GPI: variants seen among roughly 807,000 people sequenced by gnomAD.
GPI encodes the protein glucose-6-phosphate isomerase.
In GPI, 56 loss-of-function variants were observed where a neutral mutation model predicts 75.8. The ratio of observed to expected loss-of-function variants is 0.74; its 90% CI spans 0.60 to 0.92. The LOEUF (loss-of-function observed/expected upper bound fraction) is 0.92. GPI is among the 40% of genes least tolerant of loss of function. The pLI, the probability that GPI is intolerant of heterozygous loss-of-function variation, is 0.00. For synonymous variants in GPI, 288 were observed against 285.4 expected (o/e 1.01, Z -0.09); for missense variants, 638 against 741.0 (o/e 0.86, Z 1.61).
chr19:34,390,513 A>G (rs991446347), intron 9 of GPI, among the ~76,000 whole-genome samples: 15 of 151,206 alleles, frequency 9.9e-5, no homozygotes, highest in Admixed American at 9.2e-4. Context: ...AAGTACAGGT[A>G]TGACATCTGG....
upstream of GPI, chr19:34,359,772 A>C (rs2074291731): frequency 6.5e-6 from 1 of 152,760 alleles, no homozygotes; most frequent in Non-Finnish European, 1.5e-5. Context: ...CCTGTGCTCC[A>C]GGGCCTGCCT....
chr19:34,373,008 A>C (rs1219715718), intron 4 of GPI, among the ~76,000 whole-genome samples: 2 of 151,736 alleles, frequency 1.3e-5, no homozygotes, highest in Non-Finnish European at 2.9e-5. Flanking sequence ...TCCTGACTTC[A>C]TAATCTGTCC....
At chr19:34,373,085 T>A (rs1277394134) in intron 4 of GPI, among the ~76,000 whole-genome samples, 1 of 151,572 alleles carries the variant, frequency 6.6e-6, no homozygotes, top group Non-Finnish European at 1.5e-5. Context: ...TTTTTTTTTT[T>A]AATTAAAAAA....
At chr19:34,392,008 G>A (rs1011589289) in intron 9 of GPI, among the ~76,000 whole-genome samples, 4 of 1,002 alleles carry the variant, frequency 4.0e-3, no homozygotes, top group Non-Finnish European at 6.5e-3. Context: ...ATCTGGTGCA[G>A]GTATAAGGAT....
intron 4 of GPI, among the ~76,000 whole-genome samples, chr19:34,371,462 G>A (rs903951000): frequency 6.6e-6 from 1 of 152,180 alleles, no homozygotes; most frequent in Non-Finnish European, 1.5e-5. Context: ...TGCTGTTCAG[G>A]ATGGACTGGG....
chr19:34,383,722 G>A (rs758808134), intron 9 of GPI, among the ~76,000 whole-genome samples: 25 of 152,318 alleles, frequency 1.6e-4, no homozygotes, highest in Admixed American at 9.1e-4. Flanking sequence ...AGGTGAGGCA[G>A]GCAGGTGGCA....
upstream of GPI, among the ~76,000 whole-genome samples, chr19:34,363,805 C>T (rs566220047): frequency 6.6e-6 from 1 of 152,154 alleles, no homozygotes; most frequent in East Asian, 1.9e-4. Context: ...GGTGACAGAG[C>T]GAGACTCCAT....
rs757542529 is a variant in GPI at position 34,399,994 on chromosome 19, C to T, written c.1635C>T (p.Leu545=). The change falls in exon 18 of 18, where the codon CTC becomes CTT. Residue 545 remains leucine (L), a synonymous_variant. Transcript: ENST00000356487. ...VTSHDASTNG[L]INFIKQQREA... ...CTCACGACGCTTCTACCAATGGGCT[C>T]ATCAACTTCATCAAGCAGCAGCGCG... is the stretch of plus-strand genomic sequence containing the variant. 3.6e-5 allele frequency: 58 copies of T among 1,613,536 alleles called. No individual in the cohort carries two copies. The highest frequency in any genetic ancestry group is 4.6e-5 in the Non-Finnish European group (54 of 1,179,992).
At chr19:34,377,452 G>C in intron 4 of GPI, 51 bp from the exon 5 acceptor site, 2 of 1,342,064 alleles carry the variant, frequency 1.5e-6, no homozygotes, top group Non-Finnish European at 2.1e-6. Flanking sequence ...TTTTTGAGCA[G>C]CGGATTATGC....
intron 14 of GPI, 45 bp downstream of exon 14, chr19:34,396,702 T>G: frequency 6.7e-7 from 1 of 1,491,730 alleles, no homozygotes. Flanking sequence ...TGGCTCACAT[T>G]GCACCCAGAC....
intron 4 of GPI, among the ~76,000 whole-genome samples, chr19:34,374,153 T>A (rs1222501963): frequency 5.1e-4 from 74 of 144,142 alleles, no homozygotes; most frequent in African/African-American, 1.4e-3. Context: ...TTTTTTTTTT[T>A]AAATTTTTTT....
intron 3 of GPI, 116 bp from the exon 4 acceptor site, chr19:34,368,467 C>T (rs764696945): frequency 5.3e-6 from 6 of 1,138,896 alleles, no homozygotes; most frequent in Non-Finnish European, 7.8e-6. Flanking sequence ...TAACAGAGAC[C>T]TCAGGGCCTG....
chr19:34,360,744 C>T (rs924255362), upstream of GPI, among the ~76,000 whole-genome samples: 1 of 152,156 alleles, frequency 6.6e-6, no homozygotes, highest in Non-Finnish European at 1.5e-5. Flanking sequence ...GGTTGATTCT[C>T]TAGTTAAGAG....
Position 34,401,120 on chromosome 19 carries a change from A to G in GPI, c.*1084A>G, listed in dbSNP as rs942309159. On this transcript the variant is annotated 3_prime_UTR_variant, in exon 18 of 18. Coordinates refer to ENST00000356487, the MANE Select transcript of GPI (RefSeq NM_000175.5). ...GAGTGCAGTGGCATGATCACAGCTC[A>G]CTGCAGCCAGTAATCCTCTTGCCTC... The G allele has an allele frequency of 6.9e-6, 1 of 145,394 alleles. No homozygotes were observed. The highest frequency in any genetic ancestry group is 7.2e-5 in the Admixed American group (1 of 13,954). 9.0% of individuals were successfully genotyped at this position (145,394 alleles called of 1,614,324 possible). A position where few individuals can be genotyped will look rare whatever the true frequency, so the allele number is the denominator to read the frequency against.
chr19:34,399,336 G>GT lies in GPI; in HGVS notation c.1398+2dup. ...CCTTGAGAGGCTGCTGCCACATAAG[G>GT]TCAGCACTTCTGCATTTGGCTTTGG... On this transcript the variant is annotated splice_donor_variant, in intron 15 of 17. Coordinates refer to ENST00000356487, the MANE Select transcript of GPI (RefSeq NM_000175.5). LOFTEE classifies it high-confidence loss of function. 1 of 1,614,134 alleles carries GT rather than the reference G, an allele frequency of 6.2e-7. No individual in the cohort carries two copies. Among genetic ancestry groups the GT allele is most frequent in the Non-Finnish European group, 8.5e-7 (1 of 1,180,028 alleles).
chr19:34,359,844 C>T (rs1400937924), upstream of GPI: 4 of 152,368 alleles, frequency 2.6e-5, no homozygotes, highest in Non-Finnish European at 4.4e-5. Flanking sequence ...ACCTCAGTTT[C>T]CCCATCTTTA....
intron 9 of GPI, among the ~76,000 whole-genome samples, chr19:34,385,050 A>AT (rs1237170362): frequency 6.6e-6 from 1 of 151,076 alleles, no homozygotes; most frequent in Non-Finnish European, 1.5e-5. Flanking sequence ...AAAAAAAAAA[A>AT]AAGCGGGGGT....
Position 34,385,767 on chromosome 19 carries a change from G to C in GPI, c.804+4248G>C, listed in dbSNP as rs536278916. 5.3e-4 allele frequency among the ~76,000 whole-genome samples: 80 copies of C among 152,218 alleles called. 1 individual carries two copies. The highest frequency in any genetic ancestry group is 1.9e-3 in the African/African-American group (78 of 41,548). On this transcript the variant is annotated intron_variant, in intron 9 of 17. Coordinates refer to ENST00000356487, the MANE Select transcript of GPI (RefSeq NM_000175.5). ...AACCCTCATCACATGCAGGTAGGGGGTGCTGGTCCACCAGGCACAAGCCCA... is the reference window on the plus strand; with the variant it reads ...AACCCTCATCACATGCAGGTAGGGGCTGCTGGTCCACCAGGCACAAGCCCA...
intron 4 of GPI, 38 bp downstream of exon 4, chr19:34,368,740 T>C (rs2074405809): frequency 1.2e-6 from 2 of 1,613,392 alleles, no homozygotes; most frequent in Non-Finnish European, 1.7e-6. Flanking sequence ...CTTGGCCGTG[T>C]GTGTGAGTTA....
Sources: gnomAD v4.1 joint callset for allele counts (sites outside exome capture counted in the v4.1 genomes callset) on GRCh38, gnomAD v4.1.1 for gene constraint, MANE v1.5 for transcripts, NCBI Gene and HGNC (gene_info 2026-07-23, HGNC 2026-07-21) for gene names.